ANO4: variants seen among roughly 807,000 people sequenced by gnomAD.
ANO4 encodes anoctamin-4.
Under a neutral mutation model 141.9 loss-of-function variants are expected in ANO4, and 69 were observed. The observed-to-expected ratio is 0.49, with a 90% CI of 0.40 to 0.59. The LOEUF (loss-of-function observed/expected upper bound fraction) is 0.59, where lower values mean the gene tolerates loss of function less well. ANO4 is among the 20% of genes least tolerant of loss of function. ANO4 has a pLI of 0.00. For missense variants in ANO4, 894 were observed against 1,162.2 expected, an observed-to-expected ratio of 0.77 and a Z score of 3.36; for synonymous variants, 350 against 394.3, an observed-to-expected ratio of 0.89 and a Z score of 1.33.
At chr12:101,084,412 T>C (rs2049402553) in intron 16 of ANO4, among the ~76,000 whole-genome samples, 1 of 152,194 alleles carries the variant, frequency 6.6e-6, no homozygotes. Context: ...TAAAAAGCAG[T>C]CTTAGTAATT....
chr12:101,036,003 AAGTT>A (rs58234334), intron 9 of ANO4, among the ~76,000 whole-genome samples: 23,053 of 152,096 alleles, frequency 0.15, 2,058 homozygotes, highest in East Asian at 0.24. Context: ...CCTAAAATAA[AAGTT>A]AGAAGGAAAA....
At chr12:100,940,643 C>A (rs1005458997) in intron 4 of ANO4, among the ~76,000 whole-genome samples, 3 of 152,140 alleles carry the variant, frequency 2.0e-5, no homozygotes, top group African/African-American at 7.2e-5. Context: ...ATTTCCCCAG[C>A]TGAGATGTTT....
In ANO4 at chr12:101,083,536, T is replaced by C. The variant is rs942296788; in HGVS notation, c.1396-142T>C. 31 of 960,672 alleles carry C rather than the reference T, an allele frequency of 3.2e-5. No homozygotes were observed. In the African/African-American group the frequency reaches 5.2e-4, roughly 16 times the overall value. 59.5% of individuals were successfully genotyped at this position (960,672 alleles called of 1,614,324 possible). On this transcript the variant is annotated intron_variant, in intron 15 of 27. Transcript: ENST00000392977. ...TGGCCAATTTTCAAACATTTAAGCC[T>C]GGGCACCCAAACCCACTTCATTGGT... is the stretch of plus-strand genomic sequence containing the variant.
At chr12:100,937,944 T>C (rs7958611) in intron 3 of ANO4, among the ~76,000 whole-genome samples, 9,886 of 152,250 alleles carry the variant, frequency 0.065, 411 homozygotes, top group African/African-American at 0.073. Flanking sequence ...TCTAAGACAA[T>C]GTCCCCATTT....
At chr12:100,717,917 C>G (rs530445220) in intron 1 of ANO4, among the ~76,000 whole-genome samples, 1 of 152,308 alleles carries the variant, frequency 6.6e-6, no homozygotes, top group African/African-American at 2.4e-5. Context: ...CTTATCTTGT[C>G]CCTGACTGAC....
intron 16 of ANO4, among the ~76,000 whole-genome samples, chr12:101,084,657 T>C (rs568401647): frequency 1.3e-5 from 2 of 152,206 alleles, no homozygotes; most frequent in Non-Finnish European, 2.9e-5. Flanking sequence ...TTACCCAGAC[T>C]CCTTGGCTCA....
At chr12:101,066,637 A>T in intron 14 of ANO4, 1 of 576,652 alleles carries the variant, frequency 1.7e-6, no homozygotes, top group Middle Eastern at 4.7e-4. Flanking sequence ...CTGGGAGAGT[A>T]TCCATGGCTT....
intron 26 of ANO4, among the ~76,000 whole-genome samples, chr12:101,120,896 C>T (rs1278579348): frequency 1.3e-5 from 2 of 152,104 alleles, no homozygotes; most frequent in African/African-American, 4.8e-5. Context: ...AGTTCTTAAA[C>T]TTTAGCAAAA....
chr12:101,078,758 C>A (rs1038652734), intron 14 of ANO4, among the ~76,000 whole-genome samples: 18 of 152,144 alleles, frequency 1.2e-4, no homozygotes, highest in African/African-American at 4.1e-4. Context: ...TTCATTTTGA[C>A]TTTTCTGCTC....
At chr12:100,891,663 A>G (rs981872386) in intron 1 of ANO4, among the ~76,000 whole-genome samples, 2 of 152,130 alleles carry the variant, frequency 1.3e-5, no homozygotes, top group Admixed American at 6.6e-5. Flanking sequence ...TATGTTTATC[A>G]TTTATAACAT....
intron 7 of ANO4, among the ~76,000 whole-genome samples, chr12:100,978,018 T>C (rs188980687): frequency 6.6e-6 from 1 of 152,190 alleles, no homozygotes. Context: ...TCCTCAAAAC[T>C]CAGTCCACAT....
intron 1 of ANO4, among the ~76,000 whole-genome samples, chr12:100,829,638 G>A (rs1290055948): frequency 6.6e-6 from 1 of 151,972 alleles, no homozygotes; most frequent in Non-Finnish European, 1.5e-5. Context: ...TGTTACTTCT[G>A]GGTGGATGTC....
chr12:101,068,645 T>C, intron 14 of ANO4: 5 of 1,341,438 alleles, frequency 3.7e-6, no homozygotes, highest in Non-Finnish European at 5.3e-6. Flanking sequence ...GATGACTTCT[T>C]TGAGCAAGAG....
intron 8 of ANO4, among the ~76,000 whole-genome samples, chr12:100,989,456 C>G (rs1388064999): frequency 6.6e-6 from 1 of 152,158 alleles, no homozygotes; most frequent in East Asian, 1.9e-4. Context: ...GTGCTTCTAC[C>G]TGTTTATGAT....
chr12:100,982,794 T>G (rs1040507300), intron 7 of ANO4, among the ~76,000 whole-genome samples: 5 of 152,252 alleles, frequency 3.3e-5, no homozygotes, highest in Non-Finnish European at 1.5e-5. Flanking sequence ...TTATCTAACA[T>G]TGTATACTAA....
At chr12:100,921,191 AT>A (rs1426316029) in intron 2 of ANO4, among the ~76,000 whole-genome samples, 1 of 152,146 alleles carries the variant, frequency 6.6e-6, no homozygotes, top group Non-Finnish European at 1.5e-5. Flanking sequence ...GGGTTATAGC[AT>A]GCAGGCAAAG....
At chr12:101,069,531 T>C (rs1593183923) in intron 14 of ANO4, among the ~76,000 whole-genome samples, 1 of 152,332 alleles carries the variant, frequency 6.6e-6, no homozygotes, top group East Asian at 1.9e-4. Flanking sequence ...AGGAGACATA[T>C]GCCTTCTGGA....
intron 8 of ANO4, among the ~76,000 whole-genome samples, chr12:100,992,704 G>A (rs547496867): frequency 7.2e-4 from 110 of 152,198 alleles, no homozygotes; most frequent in Admixed American, 3.7e-3. Context: ...GGAGCCATAG[G>A]CCATATCTGT....
intron 2 of ANO4, among the ~76,000 whole-genome samples, chr12:100,734,719 C>G (rs747571294): frequency 6.6e-6 from 1 of 152,166 alleles, no homozygotes; most frequent in Non-Finnish European, 1.5e-5. Flanking sequence ...AAACACTATG[C>G]CGTGGCTTCT....
Sources: allele counts gnomAD v4.1 joint callset (sites outside exome capture counted in the v4.1 genomes callset), GRCh38; gene constraint gnomAD v4.1.1; transcripts MANE v1.5; gene names NCBI Gene and HGNC (gene_info 2026-07-23, HGNC 2026-07-21).